TRAF3IP3: variants seen among roughly 807,000 people sequenced by gnomAD.
TRAF3IP3 encodes the protein TRAF3-interacting JNK-activating modulator.
TRAF3IP3 carries 64 observed loss-of-function variants against 86.5 expected under a neutral mutation model. The observed-to-expected ratio is 0.74, with a 90% confidence interval of 0.60 to 0.91. The LOEUF is 0.91. TRAF3IP3 is among the 40% of genes least tolerant of loss of function. The pLI is 0.00. For missense variants in TRAF3IP3, 579 were observed against 642.9 expected, an observed-to-expected ratio of 0.90 and a Z score of 1.07; for synonymous variants, 220 against 243.9, an observed-to-expected ratio of 0.90 and a Z score of 0.91.
At chr1:209,778,549 C>T (rs12143281) in intron 13 of TRAF3IP3, 6,618 of 188,954 alleles carry the variant, frequency 0.035, 171 homozygotes, top group Non-Finnish European at 0.052. Flanking sequence ...TTACACTATA[C>T]GTGCCTCAAT....
chr1:209,781,921 CAG>C, intron 16 of TRAF3IP3, 133 bp from the exon 17 acceptor site: 2 of 657,700 alleles, frequency 3.0e-6, no homozygotes. Context: ...AAATGGGAGA[CAG>C]AGTAAAAAGC....
At chr1:209,758,900 G>C (rs929261979) in intron 1 of TRAF3IP3, 134 bp from the exon 2 acceptor site, 1 of 152,570 alleles carries the variant, frequency 6.6e-6, no homozygotes, top group African/African-American at 2.4e-5. Context: ...AGAAGGAAAA[G>C]GGGATTCAGG....
chr1:209,781,561 CA>C (rs2077781163), intron 16 of TRAF3IP3, 103 bp downstream of exon 16: 3 of 776,458 alleles, frequency 3.9e-6, no homozygotes, highest in Non-Finnish European at 4.4e-6. Context: ...AACAACTGGC[CA>C]TCCTGTCCCA....
At chr1:209,781,479 C>G (rs767972314) in intron 16 of TRAF3IP3, 21 bp downstream of exon 16, 2 of 1,562,668 alleles carry the variant, frequency 1.3e-6, no homozygotes, top group South Asian at 2.2e-5. Context: ...CTCTCCTTCC[C>G]ATAAAGCCCT....
intron 13 of TRAF3IP3, 199 bp downstream of exon 13, chr1:209,778,372 T>C: frequency 2.0e-6 from 1 of 507,674 alleles, no homozygotes; most frequent in Non-Finnish European, 3.5e-6. Context: ...TTCTTTTTTT[T>C]CTACTGTTCT....
At chr1:209,775,143 T>C in intron 9 of TRAF3IP3, 1 of 581,970 alleles carries the variant, frequency 1.7e-6, no homozygotes, top group Non-Finnish European at 3.1e-6. Context: ...CCAGGAAGCC[T>C]AGGGCACTGT....
intron 9 of TRAF3IP3, 141 bp from the exon 10 acceptor site, chr1:209,775,208 T>C: frequency 1.3e-6 from 1 of 773,440 alleles, no homozygotes; most frequent in East Asian, 2.7e-5. Context: ...TTGCTAGCTC[T>C]ACCCTAAAAG....
chr1:209,757,372 T>C (rs555481128), intron 1 of TRAF3IP3, among the ~76,000 whole-genome samples: 1 of 152,294 alleles, frequency 6.6e-6, no homozygotes, highest in South Asian at 2.1e-4. Context: ...AGGAGGATTC[T>C]CAATGTTCTG....
chr1:209,780,648 T>A, intron 15 of TRAF3IP3, 42 bp downstream of exon 15: 1 of 1,468,708 alleles, frequency 6.8e-7, no homozygotes, highest in Non-Finnish European at 9.1e-7. Flanking sequence ...ATTTGCGAAA[T>A]AGCAGAGAAA....
intron 5 of TRAF3IP3, 76 bp from the exon 6 acceptor site, chr1:209,762,992 A>C: frequency 6.3e-7 from 1 of 1,594,070 alleles, no homozygotes; most frequent in Non-Finnish European, 8.6e-7. Context: ...CTGGCTCTTC[A>C]GAAGGAATCA....
chr1:209,764,348 G>A (rs11119338), intron 8 of TRAF3IP3, among the ~76,000 whole-genome samples: 3,403 of 152,316 alleles, frequency 0.022, 90 homozygotes, highest in East Asian at 0.13. Context: ...GAAGGAATGA[G>A]TGACTCCAGA....
rs1333288405 is a variant in TRAF3IP3 at position 209,780,491 on chromosome 1, G to A, written c.1334G>A (p.Ser445Asn). 1.3e-6 allele frequency: 2 copies of A among 1,599,526 alleles called. No homozygotes were observed. Among genetic ancestry groups the A allele is most frequent in the African/African-American group, 1.3e-5 (1 of 74,268 alleles). Residue 445 changes from serine (S) to asparagine (N), a missense_variant, in exon 15 of 17, where the codon AGT (serine) becomes AAT (asparagine). Coordinates refer to ENST00000367025, the MANE Select transcript of TRAF3IP3 (RefSeq NM_025228.4). The stretch of plus-strand genomic sequence containing the variant: ...TTAGATCAGGCTTTGCCCGTGTGGA[G>A]TCCAAAGTCCTTCCCTAACGAAGTG... ...TKKDQALPVW[S>N]PKSFPNEVEP...
intron 9 of TRAF3IP3, 37 bp downstream of exon 9, chr1:209,773,056 T>C: frequency 1.3e-6 from 2 of 1,530,566 alleles, no homozygotes; most frequent in Non-Finnish European, 8.9e-7. Context: ...CTCAGGAATC[T>C]AGAATTAAAT....
chr1:209,772,565 A>G (rs1002020750), intron 8 of TRAF3IP3, among the ~76,000 whole-genome samples: 4 of 152,134 alleles, frequency 2.6e-5, no homozygotes, highest in Admixed American at 1.3e-4. Flanking sequence ...TACATTTTAC[A>G]GGGAAAAGTC....
Position 209,760,320 on chromosome 1 carries a change from G to C in TRAF3IP3, c.281G>C (p.Gly94Ala). The stretch of plus-strand genomic sequence containing the variant: ...GAGCAAGGGCCCTCCAGGCGGCCAG[G>C]ACAGGTGACTGTCCTCAAGGAACCC... ...AREQGPSRRP[G>A]QVTVLKEPLS... Residue 94 changes from glycine (G) to alanine (A), a missense_variant, in exon 3 of 17, where the codon GGA becomes GCA. Gly to Ala is a moderately conservative substitution (Grantham distance 60). Transcript: ENST00000367025. 6.2e-7 allele frequency: 1 copy of C among 1,613,942 alleles called. No individual in the cohort carries two copies. Among genetic ancestry groups the C allele is most frequent in the South Asian group, 1.1e-5 (1 of 91,036 alleles).
intron 3 of TRAF3IP3, among the ~76,000 whole-genome samples, chr1:209,761,884 AAAC>A (rs1391431559): frequency 3.9e-5 from 6 of 152,238 alleles, no homozygotes; most frequent in African/African-American, 1.2e-4. Flanking sequence ...AGAGAAAAAA[AAAC>A]AACAACTAGA....
intron 8 of TRAF3IP3, among the ~76,000 whole-genome samples, chr1:209,764,204 C>T (rs2077297755): frequency 2.0e-5 from 3 of 151,996 alleles, no homozygotes; most frequent in African/African-American, 2.4e-5. Flanking sequence ...TGGACTAGCA[C>T]TAGAAATAAT....
chr1:209,762,375 A>T, intron 3 of TRAF3IP3, 140 bp from the exon 4 acceptor site: 1 of 793,552 alleles, frequency 1.3e-6, no homozygotes, highest in Non-Finnish European at 1.8e-6. Flanking sequence ...TAGGATTTCA[A>T]CACACAGATT....
intron 15 of TRAF3IP3, chr1:209,780,934 A>T (rs1436920561): frequency 5.4e-6 from 1 of 185,106 alleles, no homozygotes. Flanking sequence ...TAAAGAGTAA[A>T]ACTCTTCCTT....
Sources: gnomAD v4.1 joint callset for allele counts (sites outside exome capture counted in the v4.1 genomes callset) on GRCh38, gnomAD v4.1.1 for gene constraint, MANE v1.5 for transcripts, NCBI Gene and HGNC (gene_info 2026-07-23, HGNC 2026-07-21) for gene names.